The following PIK3C2B variants were observed in gnomAD, a reference collection of about 807,000 sequenced individuals.
PIK3C2B encodes phosphatidylinositol 4-phosphate 3-kinase C2 domain-containing subunit beta.
Under a neutral mutation model 184.3 loss-of-function variants are expected in PIK3C2B, and 83 were observed. The ratio of observed to expected loss-of-function variants is 0.45; its 90% CI spans 0.38 to 0.54. The LOEUF is 0.54. Ranked by LOEUF, PIK3C2B falls within the 20% of genes least tolerant of loss-of-function variation. The probability of loss-of-function intolerance (pLI) is 0.00; values close to 1 mark genes in which losing one functional copy is unlikely to be tolerated. For synonymous variants in PIK3C2B, 779 were observed against 837.6 expected (o/e 0.93, Z 1.21); for missense variants, 1,736 against 2,113.5 (o/e 0.82, Z 3.50).
In PIK3C2B at chr1:204,447,167, G is replaced by A. The variant is rs866976571; in HGVS notation, c.2489+269C>T. 6.6e-6 allele frequency among the ~76,000 whole-genome samples: 1 copy of A among 152,158 alleles called. No individual in the cohort carries two copies. The highest frequency in any genetic ancestry group is 1.5e-5 in the Non-Finnish European group (1 of 68,016). ...TAGTAGATAGCACATCTGGGATGTG[G>A]GGCAGAGCTCTGGTCCTCCTGGGTA... On this transcript the variant is annotated intron_variant, in intron 15 of 32. Transcript: ENST00000684373. The surrounding 1 kb of genome is among the most constrained non-coding windows in gnomAD (Gnocchi z 4.1).
intron 5 of PIK3C2B, among the ~76,000 whole-genome samples, chr1:204,463,046 G>A (rs573958049): frequency 1.2e-4 from 19 of 152,316 alleles, no homozygotes; most frequent in African/African-American, 4.6e-4. Flanking sequence ...GCACGACAGA[G>A]TGAGACTCTG....
rs1421622565 is a variant in PIK3C2B at position 204,446,094 on chromosome 1, T to A, written c.2540A>T (p.His847Leu). 6.3e-7 allele frequency: 1 copy of A among 1,594,092 alleles called. No homozygotes were observed. Among genetic ancestry groups the A allele is most frequent in the East Asian group, 2.3e-5 (1 of 44,370 alleles). The stretch of plus-strand genomic sequence containing the variant: ...CAGGGGGAGCGAGCTCACCTCCGAG[T>A]GGCAGTAATATCGCTTCTCCCACAG... ...KRLWEKRYYC[H>L]SEVSSLPLVL... Residue 847 changes from histidine to leucine, a missense_variant, in exon 16 of 33, where the codon CAC becomes CTC. By Grantham distance (99) the His-to-Leu change is moderately conservative (BLOSUM62 -3). Transcript: ENST00000684373.
chr1:204,428,363 C>A (rs2103464677), intron 29 of PIK3C2B, 143 bp from the exon 30 acceptor site: 1 of 602,274 alleles, frequency 1.7e-6, no homozygotes. Flanking sequence ...ATAGCTCTAA[C>A]AAGCCAACAG....
intron 1 of PIK3C2B, among the ~76,000 whole-genome samples, chr1:204,489,316 C>T (rs767088529): frequency 3.9e-5 from 6 of 152,030 alleles, no homozygotes; most frequent in Non-Finnish European, 5.9e-5. Context: ...CACAAGTGTG[C>T]GCCATCACAC....
At position 204,424,380 on chromosome 1, in the gene PIK3C2B, C is replaced by T. The variant is rs1255968377; in HGVS notation, c.*472G>A. ...GGAAAAGTCCAATAAGAACCTTAAT[C>T]ATACAAAAAGTCCAAATAGTCTTCC... On this transcript the variant is annotated 3_prime_UTR_variant, in exon 33 of 33. Coordinates refer to ENST00000684373, the MANE Select transcript of PIK3C2B (RefSeq NM_001377334.1). 1 of 226,030 alleles carries T rather than the reference C, an allele frequency of 4.4e-6. No individual in the cohort carries two copies. The highest frequency in any genetic ancestry group is 9.1e-6 in the Non-Finnish European group (1 of 109,462). The allele number at this position is 226,030 out of a possible 1,614,324, so 14.0% of individuals were successfully genotyped here.
intron 3 of PIK3C2B, among the ~76,000 whole-genome samples, 158 bp downstream of exon 3, chr1:204,465,061 C>T (rs1416689172): frequency 6.6e-6 from 1 of 152,146 alleles, no homozygotes; most frequent in Non-Finnish European, 1.5e-5. Context: ...ATTTCAAAAA[C>T]CCTGCAGACA....
chr1:204,467,080 C>G (rs1655869799), intron 2 of PIK3C2B: 1 of 418,488 alleles, frequency 2.4e-6, no homozygotes, highest in Admixed American at 3.0e-5. Flanking sequence ...TTTGTGTCCG[C>G]TTCTTCAAGG....
chr1:204,474,953 A>G (rs1467031385), intron 1 of PIK3C2B, among the ~76,000 whole-genome samples: 1 of 151,490 alleles, frequency 6.6e-6, no homozygotes, highest in African/African-American at 2.4e-5. Flanking sequence ...CCTCTCTCTA[A>G]TTGCCAAGGC....
At chr1:204,439,507 T>C (rs913738616) in intron 22 of PIK3C2B, among the ~76,000 whole-genome samples, 7 of 152,208 alleles carry the variant, frequency 4.6e-5, no homozygotes, top group Admixed American at 1.3e-4. Flanking sequence ...ATTTCACTCA[T>C]AAATATTTCA....
rs1218368842 is a variant in PIK3C2B at position 204,449,174 on chromosome 1, TA to T, written c.2346+10del. On this transcript the variant is annotated intron_variant, in intron 14 of 32. Coordinates refer to ENST00000684373, the MANE Select transcript of PIK3C2B (RefSeq NM_001377334.1). ...TTGCTGGTGACTGGGAGGGAAGGGC[TA>T]AAGCCTCACCTGCAGGATGACACTG... 2 of 1,581,132 alleles carry T rather than the reference TA, an allele frequency of 1.3e-6. No individual in the cohort carries two copies. The highest frequency in any genetic ancestry group is 1.7e-6 in the Non-Finnish European group (2 of 1,153,664).
chr1:204,471,924 C>T (rs944908071), intron 1 of PIK3C2B, among the ~76,000 whole-genome samples: 2 of 151,530 alleles, frequency 1.3e-5, no homozygotes, highest in South Asian at 2.1e-4. Context: ...ACAGGTGAGA[C>T]CCGGCTACCT....
intron 29 of PIK3C2B, chr1:204,428,954 T>C: frequency 2.2e-6 from 1 of 454,060 alleles, no homozygotes; most frequent in South Asian, 1.6e-5. Flanking sequence ...CCGAGCGCAG[T>C]GGTTCATGCC....
chr1:204,489,512 A>G (rs1657867049), intron 1 of PIK3C2B, among the ~76,000 whole-genome samples: 1 of 151,992 alleles, frequency 6.6e-6, no homozygotes, highest in Middle Eastern at 3.4e-3. Context: ...TGCCTCCTTA[A>G]AGTCTAGAGT....
At chr1:204,487,504 C>G (rs1204785968) in intron 1 of PIK3C2B, among the ~76,000 whole-genome samples, 3 of 152,300 alleles carry the variant, frequency 2.0e-5, no homozygotes, top group East Asian at 3.9e-4. Context: ...ATACTGTGTT[C>G]TCAGCGTGGT....
intron 8 of PIK3C2B, among the ~76,000 whole-genome samples, chr1:204,458,416 C>G (rs1440660505): frequency 6.6e-6 from 1 of 152,142 alleles, no homozygotes; most frequent in Non-Finnish European, 1.5e-5. Flanking sequence ...TTATTACCAT[C>G]CTGTTCTGTC....
chr1:204,435,661 T>G (rs1442128164), intron 23 of PIK3C2B: 1 of 152,220 alleles, frequency 6.6e-6, no homozygotes, highest in Non-Finnish European at 1.5e-5. Context: ...CATACAGCAC[T>G]GACTTTGCCC....
At position 204,489,753 on chromosome 1, in the gene PIK3C2B, C is replaced by T. The variant is rs77567681; in HGVS notation, c.-85+4603G>A. 1,751 of 395,088 alleles carry T rather than the reference C, an allele frequency of 4.4e-3. 25 individuals carry two copies. Among genetic ancestry groups the T allele is most frequent in the African/African-American group, 0.033 (1,593 of 48,576 alleles). 24.5% of individuals were successfully genotyped at this position (395,088 alleles called of 1,614,324 possible). On this transcript the variant is annotated intron_variant, in intron 1 of 32. Transcript: ENST00000684373. The stretch of plus-strand genomic sequence containing the variant: ...TAGGGAGACGTCAATAGTTGAAGGG[C>T]TCCATCATTACTACTATCTGGGCTT...
Position 204,464,549 on chromosome 1 carries a change from C to G in PIK3C2B, c.1090G>C (p.Ala364Pro), listed in dbSNP as rs754451308. ...AGGTGCTCTGGGCTAGGGGTGACAGCACTCCAGACATAGCCAGTGAGGAAG... is the reference window on the plus strand; with the variant it reads ...AGGTGCTCTGGGCTAGGGGTGACAGGACTCCAGACATAGCCAGTGAGGAAG... ...DYFLTGYVWSAVTPSPEHLGD... is the reference protein window; with the variant it reads ...DYFLTGYVWSPVTPSPEHLGD... The change falls in exon 4 of 33, where the codon GCT becomes CCT. Residue 364 changes from alanine (A) to proline (P), a missense_variant. Ala to Pro is a conservative substitution (Grantham distance 27). Transcript: ENST00000684373. 1.9e-6 allele frequency: 3 copies of G among 1,613,970 alleles called. No homozygotes were observed. The highest frequency in any genetic ancestry group is 2.5e-6 in the Non-Finnish European group (3 of 1,179,846).
Position 204,494,525 on chromosome 1 carries a change from C to T in PIK3C2B, c.-254G>A, listed in dbSNP as rs1031917619. On this transcript the variant is annotated 5_prime_UTR_variant, in exon 1 of 33. Coordinates refer to ENST00000684373, the MANE Select transcript of PIK3C2B (RefSeq NM_001377334.1). ...GCCTGCTCCCGGGCCGCTCCCCTCT[C>T]CAGGCTCCGCACAGACCCTAGGCTC... The T allele has an allele frequency of 3.4e-4, 52 of 152,006 alleles. No homozygotes were observed. Among genetic ancestry groups the T allele is most frequent in the Middle Eastern group, 3.1e-3 (1 of 322 alleles). The allele number at this position is 152,006 out of a possible 1,614,324, so 9.4% of individuals were successfully genotyped here. A position where few individuals can be genotyped will look rare whatever the true frequency, so the allele number is the denominator to read the frequency against.
Sources: gnomAD v4.1 joint callset for allele counts (sites outside exome capture counted in the v4.1 genomes callset) on GRCh38, gnomAD v4.1.1 for gene constraint, Gnocchi (gnomAD v3.1) non-coding constraint, MANE v1.5 for transcripts, NCBI Gene and HGNC (gene_info 2026-07-23, HGNC 2026-07-21) for gene names.